The following ALK variants were observed in gnomAD, a reference collection of about 807,000 sequenced individuals.
The protein encoded by ALK is ALK tyrosine kinase receptor.
ALK carries 74 observed loss-of-function variants against 163.1 expected under a neutral mutation model. The ratio of observed to expected loss-of-function variants is 0.45; its 90% CI spans 0.38 to 0.55. ALK has a LOEUF of 0.55. Ranked by LOEUF, ALK falls within the 20% of genes least tolerant of loss-of-function variation. The probability of loss-of-function intolerance (pLI) is 0.00; values close to 1 mark genes in which losing one functional copy is unlikely to be tolerated. For synonymous variants in ALK, 960 were observed against 843.2 expected, an observed-to-expected ratio of 1.14 and a Z score of -2.40; for missense variants, 2,063 against 2,105.3, an observed-to-expected ratio of 0.98 and a Z score of 0.39.
chr2:29,512,236 C>T (rs1416796147), intron 4 of ALK, among the ~76,000 whole-genome samples: 1 of 151,814 alleles, frequency 6.6e-6, no homozygotes, highest in African/African-American at 2.4e-5. Context: ...AACATTGATG[C>T]AAAAATCCTC....
chr2:29,305,076 G>C (rs751196215), intron 8 of ALK, among the ~76,000 whole-genome samples: 3 of 152,162 alleles, frequency 2.0e-5, no homozygotes, highest in Non-Finnish European at 4.4e-5. Context: ...TGGGGAGCTG[G>C]GTTACTTAGT....
chr2:29,361,488 T>C (rs1256535326), intron 5 of ALK, among the ~76,000 whole-genome samples: 1 of 152,174 alleles, frequency 6.6e-6, no homozygotes, highest in African/African-American at 2.4e-5. Context: ...AGGAAATGCA[T>C]TTGCTGGAGC....
At chr2:29,302,788 C>T (rs11127215) in intron 8 of ALK, among the ~76,000 whole-genome samples, 97,206 of 152,008 alleles carry the variant, frequency 0.64, 32,176 homozygotes, top group East Asian at 0.84. Context: ...AGATGTTCTT[C>T]CTCAGGATAT....
At chr2:29,447,272 CATG>C (rs1195070109) in intron 4 of ALK, among the ~76,000 whole-genome samples, 1 of 152,216 alleles carries the variant, frequency 6.6e-6, no homozygotes, top group Non-Finnish European at 1.5e-5. Context: ...CACTGCCCAT[CATG>C]ATTTCTTGCA....
At chr2:29,356,049 A>T (rs1668237889) in intron 5 of ALK, among the ~76,000 whole-genome samples, 1 of 152,142 alleles carries the variant, frequency 6.6e-6, no homozygotes, top group Admixed American at 6.5e-5. Context: ...CCTCCTGAAG[A>T]GGCACTTGTT....
chr2:29,729,172 A>C (rs1413751734), intron 1 of ALK, among the ~76,000 whole-genome samples: 2 of 152,208 alleles, frequency 1.3e-5, no homozygotes, highest in East Asian at 3.8e-4. Context: ...TGAAGGGTTG[A>C]ATCTGCCCCA....
Position 29,918,347 on chromosome 2 carries a change from C to T in ALK, c.667+1646G>A, listed in dbSNP as rs544566457. 1.4e-4 allele frequency among the ~76,000 whole-genome samples: 22 copies of T among 152,318 alleles called. No homozygotes were observed. In the East Asian group the frequency reaches 4.2e-3, roughly 29 times the overall value. ...ATTTCCAGAGAAGTCATTTTTATAT[C>T]CATTACTAAAACACTGGGCACTAAA... On this transcript the variant is annotated intron_variant, in intron 1 of 28. Transcript: ENST00000389048.
At chr2:29,226,344 G>C (rs959217456) in intron 18 of ALK, among the ~76,000 whole-genome samples, 1 of 151,922 alleles carries the variant, frequency 6.6e-6, no homozygotes, top group African/African-American at 2.4e-5. Context: ...CTGGCATGGT[G>C]GTGGGCGCCT....
intron 1 of ALK, among the ~76,000 whole-genome samples, chr2:29,900,595 T>C (rs1327138056): frequency 6.6e-6 from 1 of 152,236 alleles, no homozygotes; most frequent in East Asian, 1.9e-4. Flanking sequence ...GAGTGGGTAC[T>C]TCACTCAATG....
At chr2:29,327,390 C>T (rs1041265020) in intron 6 of ALK, among the ~76,000 whole-genome samples, 3 of 152,116 alleles carry the variant, frequency 2.0e-5, no homozygotes, top group African/African-American at 7.2e-5. Context: ...AAATCACCTC[C>T]ATAAAACATA....
rs144112756 is a variant in ALK, at chr2:29,340,775, C to T, written c.1283-12294G>A. Among the ~76,000 whole-genome samples, 885 of 152,324 alleles carry T rather than the reference C, an allele frequency of 5.8e-3. 6 individuals are homozygous for T. The highest frequency in any genetic ancestry group is 0.021 in the African/African-American group (855 of 41,574). On this transcript the variant is annotated intron_variant, in intron 5 of 28. Transcript: ENST00000389048. ...ATGATAAACCCATAAGAGGCTTCCA[C>T]ACCTCCATCTTTACTGAAACGTTAC... is the stretch of plus-strand genomic sequence containing the variant.
intron 1 of ALK, chr2:29,907,142 G>T: frequency 6.6e-6 from 1 of 151,904 alleles, no homozygotes; most frequent in East Asian, 1.9e-4. Context: ...TCCAGAAGCA[G>T]ACAGGGCCCT....
Position 29,297,020 on chromosome 2 carries a change from C to A in ALK, c.1685G>T (p.Gly562Val). 6.2e-7 allele frequency: 1 copy of A among 1,614,206 alleles called. No homozygotes were observed. Among genetic ancestry groups the A allele is most frequent in the Non-Finnish European group, 8.5e-7 (1 of 1,180,034 alleles). The stretch of plus-strand genomic sequence containing the variant: ...CTCCACTAGCACCAAGGACACGTTT[C>A]CCCTCAAGACTCCACGAATGAGCCA... ...MSWLIRGVLRGNVSLVLVENK... is the reference protein window; with the variant it reads ...MSWLIRGVLRVNVSLVLVENK... The change falls in exon 9 of 29, where the codon GGA becomes GTA. Residue 562 changes from glycine to valine, a missense_variant. Physicochemically the swap from Gly to Val is moderately radical, Grantham distance 109. Around this residue, in one of 5 missense-constraint regions of ALK, gnomAD observed 987 missense variants for 939.5 expected, o/e 1.05. Transcript: ENST00000389048.
rs551205552 is a variant in ALK, at chr2:29,806,505, C to T, written c.668-88808G>A. Among the ~76,000 whole-genome samples, 14 of 152,276 alleles carry T rather than the reference C, an allele frequency of 9.2e-5. No homozygotes were observed. In the South Asian group the frequency reaches 2.9e-3, roughly 32 times the overall value. On this transcript the variant is annotated intron_variant, in intron 1 of 28. Transcript: ENST00000389048. ...GGAGCCGCCAGCTGATGTGGGCAAA[C>T]ACAAAGGTAACTAAAATTGCACAGT...
At chr2:29,367,254 G>A (rs546680431) in intron 5 of ALK, among the ~76,000 whole-genome samples, 1 of 152,252 alleles carries the variant, frequency 6.6e-6, no homozygotes, top group African/African-American at 2.4e-5. Flanking sequence ...CCAGTGTATT[G>A]AGAAACATAA....
chr2:29,882,579 A>C (rs1666892802), intron 1 of ALK, among the ~76,000 whole-genome samples: 1 of 152,120 alleles, frequency 6.6e-6, no homozygotes, highest in Non-Finnish European at 1.5e-5. Flanking sequence ...CTGTAGTCCC[A>C]GTTACTCAGG....
chr2:29,443,955 C>A (rs1670607287), intron 4 of ALK, among the ~76,000 whole-genome samples: 2 of 152,322 alleles, frequency 1.3e-5, no homozygotes, highest in East Asian at 1.9e-4. Flanking sequence ...AATTTTATTT[C>A]TTTTCCTACT....
chr2:29,678,790 C>A (rs1430558470), intron 3 of ALK, among the ~76,000 whole-genome samples: 1 of 151,292 alleles, frequency 6.6e-6, no homozygotes, highest in Admixed American at 6.6e-5. Flanking sequence ...TAATGACTTT[C>A]TTTATGGCCT....
chr2:29,674,239 C>T (rs1677801302), intron 3 of ALK, among the ~76,000 whole-genome samples: 4 of 151,590 alleles, frequency 2.6e-5, no homozygotes, highest in Admixed American at 2.6e-4. Context: ...GAGAGGGCAT[C>T]CCTGTCTTGT....
Sources: gnomAD v4.1 joint callset for allele counts (sites outside exome capture counted in the v4.1 genomes callset) on GRCh38, gnomAD v4.1.1 for gene constraint, gnomAD v4.1.1 regional missense constraint, MANE v1.5 for transcripts, NCBI Gene and HGNC (gene_info 2026-07-23, HGNC 2026-07-21) for gene names.